Variants in CACNA1C observed in about 807,000 individuals in gnomAD.
CACNA1C encodes voltage-dependent L-type calcium channel subunit alpha-1C.
CACNA1C carries 30 observed loss-of-function variants against 229.0 expected under a neutral mutation model. The ratio of observed to expected loss-of-function variants is 0.13; its 90% CI spans 0.10 to 0.18. The LOEUF (loss-of-function observed/expected upper bound fraction) is 0.18, where lower values mean the gene tolerates loss of function less well. Among genes scored for constraint, CACNA1C ranks in the 10% least tolerant of loss-of-function variants. CACNA1C has a pLI of 1.00. For missense variants in CACNA1C, 1,658 were observed against 2,845.0 expected, an observed-to-expected ratio of 0.58 and a Z score of 9.49; for synonymous variants, 1,114 against 1,132.5, an observed-to-expected ratio of 0.98 and a Z score of 0.33.
chr12:2,084,830 C>T (rs1455043424), intron 1 of CACNA1C, among the ~76,000 whole-genome samples: 1 of 152,184 alleles, frequency 6.6e-6, no homozygotes, highest in Non-Finnish European at 1.5e-5. Flanking sequence ...GCCAGGGTTC[C>T]ACCTACCCTA....
At position 2,417,511 on chromosome 12, in the gene CACNA1C, C is replaced by T. The variant is rs76608420; in HGVS notation, c.478-31465C>T. Among the ~76,000 whole-genome samples the T allele has an allele frequency of 3.1e-3, 466 of 152,276 alleles. 1 individual carries two copies. The highest frequency in any genetic ancestry group is 5.6e-3 in the Non-Finnish European group (383 of 68,026). ...GTTTGTTAAAAATTCCCAGGAGGTA[C>T]GCGCCAAGGACCTCTTTCTGGCCTG... On this transcript the variant is annotated intron_variant, in intron 3 of 46. Transcript: ENST00000399655.
At chr12:2,593,437 CTG>C in intron 19 of CACNA1C, 92 bp downstream of exon 19, 1 of 1,345,846 alleles carries the variant, frequency 7.4e-7, no homozygotes, top group Admixed American at 1.9e-5. Flanking sequence ...TGGATGGAGA[CTG>C]AGACTCTCCC....
chr12:2,636,659 C>G lies in CACNA1C; in HGVS notation c.3912+2279C>G, dbSNP rs540259074. ...GCCTAGCCCTCCTGGGGCCAGCTCA[C>G]TTCCTGCTAGGCCAGAATTCCTGGT... is the stretch of plus-strand genomic sequence containing the variant. On this transcript the variant is annotated intron_variant, in intron 30 of 46. Transcript: ENST00000399655. 8.5e-5 allele frequency among the ~76,000 whole-genome samples: 13 copies of G among 152,346 alleles called. No homozygotes were observed. In the South Asian group the frequency reaches 1.2e-3, roughly 15 times the overall value.
At chr12:2,022,412 T>G (rs551276292) in intron 1 of CACNA1C, among the ~76,000 whole-genome samples, 4,465 of 152,058 alleles carry the variant, frequency 0.029, 95 homozygotes, top group Non-Finnish European at 0.044. Context: ...AAATTTGGGG[T>G]TTTGTTTTGG....
At chr12:2,154,636 A>G (rs2095460394) in intron 3 of CACNA1C, among the ~76,000 whole-genome samples, 1 of 152,158 alleles carries the variant, frequency 6.6e-6, no homozygotes, top group Non-Finnish European at 1.5e-5. Context: ...TCCAGGGAAG[A>G]AGTCACTGAA....
chr12:2,657,736 C>G (rs2153680192), intron 34 of CACNA1C, among the ~76,000 whole-genome samples: 1 of 152,072 alleles, frequency 6.6e-6, no homozygotes, highest in South Asian at 2.1e-4. Context: ...ATAACAGCTA[C>G]AGTAAAACAA....
At chr12:2,589,090 G>A (rs2063905331) in intron 18 of CACNA1C, among the ~76,000 whole-genome samples, 1 of 152,232 alleles carries the variant, frequency 6.6e-6, no homozygotes, top group East Asian at 1.9e-4. Context: ...GCTGAGAGTT[G>A]GGAGGAACCT....
In CACNA1C at chr12:2,677,992, G is replaced by C; in HGVS notation, c.5091+125G>C. 2 of 1,135,078 alleles carry C rather than the reference G, an allele frequency of 1.8e-6. No individual in the cohort carries two copies. The highest frequency in any genetic ancestry group is 1.3e-6 in the Non-Finnish European group (1 of 784,048). 70.3% of individuals were successfully genotyped at this position (1,135,078 alleles called of 1,614,324 possible). A position where few individuals can be genotyped will look rare whatever the true frequency, so the allele number is the denominator to read the frequency against. ...CACCAGAGGAAAGGGCTACTTCCAG[G>C]CTCTTCCTGATGAGCTGTCTCCTCA... On this transcript the variant is annotated intron_variant, in intron 41 of 46. Coordinates refer to ENST00000399655, the MANE Select transcript of CACNA1C (RefSeq NM_000719.7). The surrounding 1 kb of genome is among the most constrained non-coding windows in gnomAD (Gnocchi z 7.4).
At chr12:2,007,060 C>G (rs2043597123) in intron 1 of CACNA1C, among the ~76,000 whole-genome samples, 1 of 152,124 alleles carries the variant, frequency 6.6e-6, no homozygotes, top group African/African-American at 2.4e-5. Context: ...CACATATGTG[C>G]TTCTAAAAAC....
At chr12:2,335,747 C>T (rs2096672660) in intron 3 of CACNA1C, among the ~76,000 whole-genome samples, 1 of 152,264 alleles carries the variant, frequency 6.6e-6, no homozygotes, top group South Asian at 2.1e-4. Context: ...GCCCAACCTC[C>T]CTGCAGGCTG....
intron 3 of CACNA1C, among the ~76,000 whole-genome samples, chr12:2,358,424 C>T (rs1202947191): frequency 1.3e-5 from 2 of 152,092 alleles, no homozygotes; most frequent in African/African-American, 4.8e-5. Context: ...CAACCCTTTC[C>T]ATTTATTGGA....
chr12:2,432,530 C>T (rs1367985416), intron 3 of CACNA1C, among the ~76,000 whole-genome samples: 1 of 152,156 alleles, frequency 6.6e-6, no homozygotes, highest in Non-Finnish European at 1.5e-5. Context: ...TCCCACCTGC[C>T]CCACTCTCTT....
At chr12:2,578,030 G>A (rs991865408) in intron 13 of CACNA1C, among the ~76,000 whole-genome samples, 25 of 151,410 alleles carry the variant, frequency 1.7e-4, no homozygotes, top group Non-Finnish European at 2.9e-4. Context: ...TACCACACCC[G>A]GCTAATTTTT....
intron 3 of CACNA1C, among the ~76,000 whole-genome samples, chr12:2,303,802 C>T (rs1218705943): frequency 6.6e-6 from 1 of 152,192 alleles, no homozygotes; most frequent in Non-Finnish European, 1.5e-5. Flanking sequence ...GGGGAGGCAC[C>T]TCAGTCTGAT....
chr12:2,485,416 C>T (rs944755534), intron 5 of CACNA1C, among the ~76,000 whole-genome samples: 8 of 152,106 alleles, frequency 5.3e-5, no homozygotes, highest in African/African-American at 1.7e-4. Flanking sequence ...CTGGTATAAC[C>T]GAGCTTAGTA....
intron 10 of CACNA1C, among the ~76,000 whole-genome samples, chr12:2,551,269 G>A (rs764082594): frequency 7.9e-5 from 12 of 152,152 alleles, no homozygotes; most frequent in Non-Finnish European, 1.6e-4. Flanking sequence ...CTGGCACCAG[G>A]AAGTCACTTG....
At position 2,493,527 on chromosome 12, in the gene CACNA1C, A is replaced by G. The variant is rs1010353756; in HGVS notation, c.1113+141A>G. On this transcript the variant is annotated intron_variant, in intron 7 of 46. Transcript: ENST00000399655. The surrounding 1 kb of genome is among the most constrained non-coding windows in gnomAD (Gnocchi z 4.6). ...GAATGGTTGATGAAGAGCGTCTTTG[A>G]TTTCTTCCAGGTCTTGCCTGAGAAA... 1 of 702,264 alleles carries G rather than the reference A, an allele frequency of 1.4e-6. No individual in the cohort carries two copies. Among genetic ancestry groups the G allele is most frequent in the South Asian group, 1.8e-5 (1 of 54,370 alleles). The allele number at this position is 702,264 out of a possible 1,614,324, so 43.5% of individuals were successfully genotyped here.
At chr12:2,600,711 C>T (rs1453679245) in intron 21 of CACNA1C, among the ~76,000 whole-genome samples, 1 of 152,198 alleles carries the variant, frequency 6.6e-6, no homozygotes, top group African/African-American at 2.4e-5. Flanking sequence ...TAGCAGTCAT[C>T]GTCATCTTGT....
chr12:2,423,448 T>C (rs2098997705), intron 3 of CACNA1C, among the ~76,000 whole-genome samples: 1 of 152,304 alleles, frequency 6.6e-6, no homozygotes, highest in South Asian at 2.1e-4. Flanking sequence ...AGTGTCTCAG[T>C]ACCTTCATCG....
Sources: allele counts gnomAD v4.1 joint callset (sites outside exome capture counted in the v4.1 genomes callset), GRCh38; gene constraint gnomAD v4.1.1; non-coding constraint Gnocchi (gnomAD v3.1); transcripts MANE v1.5; gene names NCBI Gene and HGNC (gene_info 2026-07-23, HGNC 2026-07-21).